The following VPS13C variants were observed in gnomAD, a reference collection of about 807,000 sequenced individuals.
VPS13C encodes vacuolar protein sorting 13 homolog C.
VPS13C carries 358 observed loss-of-function variants against 456.8 expected under a neutral mutation model. That is an observed-to-expected ratio of 0.78 (90% CI 0.72 to 0.86). The LOEUF (loss-of-function observed/expected upper bound fraction) is 0.86. Ranked by LOEUF, VPS13C falls within the 40% of genes least tolerant of loss-of-function variation. The pLI is 0.00. For synonymous variants in VPS13C, 1,578 were observed against 1,486.7 expected (o/e 1.06, Z -1.41); for missense variants, 4,818 against 4,385.4 (o/e 1.10, Z -2.79).
chr15:61,992,476 G>A (rs576606358), intron 16 of VPS13C, among the ~76,000 whole-genome samples: 1 of 152,118 alleles, frequency 6.6e-6, no homozygotes, highest in Non-Finnish European at 1.5e-5. Context: ...TCCACTTAAA[G>A]TATTTGAAAT....
chr15:61,883,559 C>T (rs77306847), intron 68 of VPS13C, among the ~76,000 whole-genome samples: 1,573 of 152,178 alleles, frequency 0.01, 31 homozygotes, highest in African/African-American at 0.036. Context: ...TGCAGTCAAG[C>T]TTCTGTAGAC....
intron 18 of VPS13C, among the ~76,000 whole-genome samples, chr15:61,985,584 TG>T (rs1345597015): frequency 1.3e-5 from 2 of 152,162 alleles, no homozygotes; most frequent in Non-Finnish European, 2.9e-5. Context: ...GTTATAACAA[TG>T]AAACAATTAC....
Position 61,867,784 on chromosome 15 carries a change from T to C in VPS13C, c.10863+875A>G. ...AGTTTTTATTTGTAGTCAATCCCAC[T>C]ACTATGAAAAGTTCAGATGGAGGTG... On this transcript the variant is annotated intron_variant, in intron 81 of 84. Transcript: ENST00000644861. The surrounding 1 kb of genome is among the most constrained non-coding windows in gnomAD (Gnocchi z 5.0). 1 of 1,500,080 alleles carries C rather than the reference T, an allele frequency of 6.7e-7. No individual in the cohort carries two copies. Among genetic ancestry groups the C allele is most frequent in the Non-Finnish European group, 8.9e-7 (1 of 1,127,596 alleles). The allele number at this position is 1,500,080 out of a possible 1,614,324, so 92.9% of individuals were successfully genotyped here.
At chr15:61,975,040 T>C (rs2045663573) in intron 24 of VPS13C, among the ~76,000 whole-genome samples, 1 of 152,130 alleles carries the variant, frequency 6.6e-6, no homozygotes, top group African/African-American at 2.4e-5. Flanking sequence ...CTAGCTGTTG[T>C]TGTTTATCTT....
At chr15:62,055,932 T>A (rs1442954313) in intron 1 of VPS13C, among the ~76,000 whole-genome samples, 1 of 152,162 alleles carries the variant, frequency 6.6e-6, no homozygotes, top group Non-Finnish European at 1.5e-5. Flanking sequence ...CATTGTAGAA[T>A]GTTTAGCAGT....
At position 61,913,394 on chromosome 15, in the gene VPS13C, T is replaced by TA; in HGVS notation, c.8466_8467insT (p.Ser2823Ter). 6.2e-7 allele frequency: 1 copy of TA among 1,614,044 alleles called. No homozygotes were observed. Among genetic ancestry groups the TA allele is most frequent in the Non-Finnish European group, 8.5e-7 (1 of 1,179,948 alleles). On this transcript the variant is annotated frameshift_variant, in exon 62 of 85. Transcript: ENST00000644861. LOFTEE classifies it high-confidence loss of function. Reference sequence around the variant, plus strand: ...AATGAGAAACTACTGGACCAGGCACTGGTTGAAATTTTTAATTGTACCTAT... The same window carrying TA: ...AATGAGAAACTACTGGACCAGGCACTAGGTTGAAATTTTTAATTGTACCTAT...
intron 49 of VPS13C, among the ~76,000 whole-genome samples, chr15:61,931,474 CAAT>C (rs1395161066): frequency 1.3e-5 from 2 of 151,094 alleles, no homozygotes; most frequent in Admixed American, 6.6e-5. Context: ...GAATATCCAA[CAAT>C]GATTAGTATA....
intron 60 of VPS13C, 135 bp from the exon 61 acceptor site, chr15:61,916,157 A>G: frequency 9.7e-7 from 1 of 1,031,430 alleles, no homozygotes; most frequent in Non-Finnish European, 1.4e-6. Context: ...CCATGCTTAC[A>G]TATTACAAAT....
At chr15:61,919,512 A>G in intron 57 of VPS13C, 63 bp from the exon 58 acceptor site, 1 of 1,399,896 alleles carries the variant, frequency 7.1e-7, no homozygotes, top group Non-Finnish European at 9.4e-7. Flanking sequence ...CTCTATAACA[A>G]TCATTAGTAC....
At chr15:61,935,625 C>T (rs2044202656) in intron 48 of VPS13C, 5 of 152,282 alleles carry the variant, frequency 3.3e-5, no homozygotes, top group African/African-American at 1.2e-4. Flanking sequence ...ACTATAACAA[C>T]AGCCTTTTTA....
At chr15:61,944,023 CA>C (rs2044521696) in intron 45 of VPS13C, among the ~76,000 whole-genome samples, 2 of 151,570 alleles carry the variant, frequency 1.3e-5, no homozygotes, top group African/African-American at 4.8e-5. Flanking sequence ...AAGGAGCCAA[CA>C]AACATATGAA....
chr15:61,854,984 A>T (rs376540451), intron 83 of VPS13C, 30 bp from the exon 84 acceptor site: 1 of 1,562,956 alleles, frequency 6.4e-7, no homozygotes, highest in Non-Finnish European at 8.6e-7. Context: ...GACAGAAAAG[A>T]AATTATTCTG....
At chr15:61,974,836 T>C (rs1011187328) in intron 24 of VPS13C, among the ~76,000 whole-genome samples, 1 of 152,156 alleles carries the variant, frequency 6.6e-6, no homozygotes, top group Non-Finnish European at 1.5e-5. Context: ...ATCACATTTA[T>C]ATTTGTTTAT....
chr15:61,875,588 T>G, intron 76 of VPS13C, 144 bp downstream of exon 76: 1 of 640,994 alleles, frequency 1.6e-6, no homozygotes, highest in Non-Finnish European at 2.7e-6. Context: ...TACCTTTAAA[T>G]AAAAATATAA....
At chr15:61,882,323 G>A (rs1260343159) in intron 69 of VPS13C, among the ~76,000 whole-genome samples, 4 of 152,034 alleles carry the variant, frequency 2.6e-5, no homozygotes, top group Admixed American at 6.6e-5. Flanking sequence ...TCTTATTTGG[G>A]GGTCCCATGA....
rs755843041 is a variant in VPS13C at position 61,984,815 on chromosome 15, A to G, written c.1721+42T>C. ...TAACACACATTTTTTGCCTAAAACT[A>G]TAACTAAAAGTAAAAATTGAAATAA... On this transcript the variant is annotated intron_variant, in intron 19 of 84. Coordinates refer to ENST00000644861, the MANE Select transcript of VPS13C (RefSeq NM_020821.3). 27 of 1,588,934 alleles carry G rather than the reference A, an allele frequency of 1.7e-5. 1 individual carries two copies. In the East Asian group the frequency reaches 5.0e-4, roughly 30 times the overall value.
intron 10 of VPS13C, among the ~76,000 whole-genome samples, chr15:62,013,503 G>C (rs2047118885): frequency 3.3e-5 from 5 of 152,006 alleles, no homozygotes; most frequent in Non-Finnish European, 7.4e-5. Flanking sequence ...TGGTCAACAA[G>C]GTGGGAAAGC....
chr15:61,925,647 T>C, intron 52 of VPS13C, 99 bp from the exon 53 acceptor site: 1 of 800,394 alleles, frequency 1.2e-6, no homozygotes, highest in Non-Finnish European at 1.8e-6. Flanking sequence ...GATCTTTAAC[T>C]ACAGCCTGCT....
intron 84 of VPS13C, 25 bp from the exon 85 acceptor site, chr15:61,854,583 A>G (rs1893806119): frequency 1.2e-6 from 2 of 1,605,276 alleles, no homozygotes; most frequent in Non-Finnish European, 1.7e-6. Context: ...ACTTATTATG[A>G]ATTTTAAAGA....
Sources: allele counts gnomAD v4.1 joint callset (sites outside exome capture counted in the v4.1 genomes callset), GRCh38; gene constraint gnomAD v4.1.1; non-coding constraint Gnocchi (gnomAD v3.1); transcripts MANE v1.5; gene names NCBI Gene and HGNC (gene_info 2026-07-23, HGNC 2026-07-21).